Variants in RAB10 observed in about 807,000 individuals in gnomAD.
The protein encoded by RAB10 is RAB10, member RAS oncogene family.
A neutral mutation model predicts 25.7 loss-of-function variants in RAB10; 5 were observed. The observed-to-expected ratio is 0.19, with a 90% confidence interval of 0.10 to 0.41. The LOEUF (loss-of-function observed/expected upper bound fraction) is 0.41, where lower values mean the gene tolerates loss of function less well. Ranked by LOEUF, RAB10 falls within the 10% of genes least tolerant of loss-of-function variation. The pLI is 1.00. For missense variants in RAB10, 103 were observed against 245.8 expected, an observed-to-expected ratio of 0.42 and a Z score of 3.89; for synonymous variants, 89 against 86.4, an observed-to-expected ratio of 1.03 and a Z score of -0.16.
intron 1 of RAB10, among the ~76,000 whole-genome samples, chr2:26,047,993 A>G (rs927218962): frequency 3.3e-5 from 5 of 150,982 alleles, no homozygotes; most frequent in African/African-American, 7.3e-5. Context: ...TGGCCTCCCA[A>G]AGTGTTGGGA....
chr2:26,051,022 G>T (rs1666120860), intron 1 of RAB10, among the ~76,000 whole-genome samples: 2 of 152,012 alleles, frequency 1.3e-5, no homozygotes, highest in Admixed American at 1.3e-4. Flanking sequence ...GGGCTCAAGA[G>T]ATCTTCCTGG....
At chr2:26,077,367 G>A (rs181278129) in intron 1 of RAB10, among the ~76,000 whole-genome samples, 2 of 152,264 alleles carry the variant, frequency 1.3e-5, no homozygotes, top group Admixed American at 1.3e-4. Context: ...CTTTTGTGGT[G>A]TTGCTTCTCT....
intron 3 of RAB10, among the ~76,000 whole-genome samples, chr2:26,121,605 AAGTT>A (rs373994289): frequency 1.8e-3 from 281 of 152,346 alleles, no homozygotes; most frequent in African/African-American, 6.5e-3. Flanking sequence ...AATTAAGAAA[AAGTT>A]AAGTATATTA....
At chr2:26,054,770 T>G (rs1411514114) in intron 1 of RAB10, among the ~76,000 whole-genome samples, 1 of 152,238 alleles carries the variant, frequency 6.6e-6, no homozygotes, top group East Asian at 1.9e-4. Context: ...ACATTTGTTT[T>G]TATATCTCTC....
chr2:26,050,825 T>C (rs1219088835), intron 1 of RAB10, among the ~76,000 whole-genome samples: 1 of 152,050 alleles, frequency 6.6e-6, no homozygotes, highest in African/African-American at 2.4e-5. Flanking sequence ...TGGGTCTCAT[T>C]TTGTCTCCTG....
intron 1 of RAB10, among the ~76,000 whole-genome samples, chr2:26,046,738 A>T (rs1348589334): frequency 2.0e-5 from 3 of 152,168 alleles, no homozygotes; most frequent in East Asian, 3.9e-4. Context: ...TGTTTCACAT[A>T]CGACCCAGAA....
chr2:26,098,607 A>G, intron 1 of RAB10, 55 bp from the exon 2 acceptor site: 2 of 1,313,896 alleles, frequency 1.5e-6, no homozygotes, highest in Non-Finnish European at 2.1e-6. Context: ...GATTAATTTT[A>G]GTATAGCCAA....
At chr2:26,120,736 G>A (rs368084673) in intron 3 of RAB10, among the ~76,000 whole-genome samples, 136 of 151,100 alleles carry the variant, frequency 9.0e-4, no homozygotes, top group African/African-American at 2.8e-3. Context: ...ACTACAGGGC[G>A]TCCATCAACA....
intron 1 of RAB10, among the ~76,000 whole-genome samples, chr2:26,079,032 C>A (rs1402245376): frequency 1.3e-5 from 2 of 152,016 alleles, no homozygotes; most frequent in Non-Finnish European, 2.9e-5. Flanking sequence ...ACTACAAATA[C>A]AAAAATTAGC....
chr2:26,070,359 T>C (rs1274796008), intron 1 of RAB10, among the ~76,000 whole-genome samples: 1 of 152,236 alleles, frequency 6.6e-6, no homozygotes, highest in African/African-American at 2.4e-5. Flanking sequence ...AATCTGGTTT[T>C]ATCTGTTTTT....
chr2:26,051,478 T>G (rs1666131518), intron 1 of RAB10, among the ~76,000 whole-genome samples: 1 of 148,252 alleles, frequency 6.7e-6, no homozygotes, highest in African/African-American at 2.5e-5. Flanking sequence ...CCAGGCGCAG[T>G]GGCTCACGCC....
chr2:26,054,991 A>C (rs1666224815), intron 1 of RAB10, among the ~76,000 whole-genome samples: 1 of 151,288 alleles, frequency 6.6e-6, no homozygotes, highest in Non-Finnish European at 1.5e-5. Flanking sequence ...AAAAAAAAAA[A>C]AGATTAAAGA....
chr2:26,108,307 G>A (rs1667506312), intron 2 of RAB10, among the ~76,000 whole-genome samples: 1 of 152,154 alleles, frequency 6.6e-6, no homozygotes, highest in Non-Finnish European at 1.5e-5. Flanking sequence ...ACCATAGAAT[G>A]CTACCCAGCA....
At chr2:26,108,882 TTTATTTATTTA>T (rs1667517792) in intron 2 of RAB10, among the ~76,000 whole-genome samples, 1 of 4,996 alleles carries the variant, frequency 2.0e-4, no homozygotes, top group African/African-American at 1.2e-3. Context: ...TTGCTTTATA[TTTATTTATTTA>T]TTTATTTATT....
chr2:26,064,602 C>T (rs1666476436), intron 1 of RAB10, among the ~76,000 whole-genome samples: 5 of 152,076 alleles, frequency 3.3e-5, no homozygotes, highest in Admixed American at 3.3e-4. Context: ...GCTTTGGCCT[C>T]CCAAAATGCT....
chr2:26,073,314 C>G (rs1013268424), intron 1 of RAB10, among the ~76,000 whole-genome samples: 1 of 152,214 alleles, frequency 6.6e-6, no homozygotes, highest in Non-Finnish European at 1.5e-5. Context: ...TGGACTGGAT[C>G]TCCCTAAACC....
At chr2:26,064,471 G>A (rs965227587) in intron 1 of RAB10, among the ~76,000 whole-genome samples, 6 of 151,860 alleles carry the variant, frequency 4.0e-5, no homozygotes, top group African/African-American at 1.5e-4. Flanking sequence ...ACAGGGGTGT[G>A]CCACCACGCC....
intron 1 of RAB10, among the ~76,000 whole-genome samples, chr2:26,038,947 A>G (rs1462750776): frequency 6.9e-6 from 1 of 145,848 alleles, no homozygotes; most frequent in African/African-American, 2.5e-5. Flanking sequence ...AAAAAAATCT[A>G]CCATTGCGTT....
At chr2:26,035,050 A>T (rs915054877) in intron 1 of RAB10, among the ~76,000 whole-genome samples, 1 of 152,214 alleles carries the variant, frequency 6.6e-6, no homozygotes, top group Admixed American at 6.5e-5. Context: ...GCGTGGAATT[A>T]GTAGATGTGT....
Sources: allele counts gnomAD v4.1 joint callset (sites outside exome capture counted in the v4.1 genomes callset), GRCh38; gene constraint gnomAD v4.1.1; transcripts MANE v1.5; gene names NCBI Gene and HGNC (gene_info 2026-07-23, HGNC 2026-07-21).